ANKRD30A: variants seen among roughly 807,000 people sequenced by gnomAD.
ANKRD30A encodes ankyrin repeat domain 30A, also known as ankyrin repeat domain-containing protein 30A.
ANKRD30A carries 170 observed loss-of-function variants against 166.3 expected under a neutral mutation model. That is an observed-to-expected ratio of 1.02 (90% CI 0.90 to 1.16). The LOEUF is 1.16. Ranked by LOEUF, ANKRD30A falls within the 50% of genes most tolerant of loss-of-function variation. The probability of loss-of-function intolerance (pLI) is 0.00; values close to 1 mark genes in which losing one functional copy is unlikely to be tolerated. For missense variants in ANKRD30A, 1,630 were observed against 1,518.0 expected (o/e 1.07, Z -1.23); for synonymous variants, 564 against 508.9 (o/e 1.11, Z -1.46).
At chr10:37,198,220 T>A (rs1282921297) in intron 29 of ANKRD30A, among the ~76,000 whole-genome samples, 1 of 152,126 alleles carries the variant, frequency 6.6e-6, no homozygotes, top group African/African-American at 2.4e-5. Context: ...GTGTGCGTGG[T>A]CATATTTAAT....
intron 30 of ANKRD30A, 117 bp downstream of exon 30, chr10:37,199,905 A>G (rs1455190800): frequency 7.1e-6 from 4 of 561,780 alleles, no homozygotes; most frequent in Non-Finnish European, 1.3e-5. Context: ...ATTATTTTTG[A>G]TATTTTTCAG....
chr10:37,147,065 T>C (rs77459297), intron 8 of ANKRD30A, among the ~76,000 whole-genome samples: 667 of 50,152 alleles, frequency 0.013, no homozygotes, highest in South Asian at 0.029. Flanking sequence ...GTGAGGAAGA[T>C]AAAGTAAGAT....
chr10:37,211,931 TC>T (rs1842345619), intron 31 of ANKRD30A, among the ~76,000 whole-genome samples: 1 of 152,030 alleles, frequency 6.6e-6, no homozygotes, highest in Non-Finnish European at 1.5e-5. Context: ...ATAAATGTCT[TC>T]TTTTGAGAAG....
intron 34 of ANKRD30A, among the ~76,000 whole-genome samples, chr10:37,227,867 G>A (rs1843233370): frequency 6.6e-6 from 1 of 151,860 alleles, no homozygotes; most frequent in Non-Finnish European, 1.5e-5. Flanking sequence ...ATCCATCCTG[G>A]GAAGAGAAGA....
At chr10:37,163,111 G>T (rs2132600012) in intron 17 of ANKRD30A, among the ~76,000 whole-genome samples, 1 of 150,856 alleles carries the variant, frequency 6.6e-6, no homozygotes, top group Non-Finnish European at 1.5e-5. Context: ...TTGAACTTCT[G>T]TATTTCTTAA....
At chr10:37,223,655 T>C (rs1472915377) in intron 34 of ANKRD30A, among the ~76,000 whole-genome samples, 1 of 151,456 alleles carries the variant, frequency 6.6e-6, no homozygotes, top group Non-Finnish European at 1.5e-5. Context: ...TTTTGGGTTG[T>C]TTTTTAAAAA....
At chr10:37,193,603 A>G (rs891580164) in intron 27 of ANKRD30A, among the ~76,000 whole-genome samples, 3 of 152,016 alleles carry the variant, frequency 2.0e-5, no homozygotes, top group Non-Finnish European at 4.4e-5. Context: ...TGGAATTCTG[A>G]TGTTTACTTA....
chr10:37,233,774 A>G (rs1279651895), downstream of ANKRD30A, among the ~76,000 whole-genome samples: 1 of 152,128 alleles, frequency 6.6e-6, no homozygotes, highest in Non-Finnish European at 1.5e-5. Flanking sequence ...TTTCTACTAG[A>G]AAAACATCTA....
At chr10:37,230,624 G>T (rs1843374677) in intron 34 of ANKRD30A, among the ~76,000 whole-genome samples, 1 of 152,010 alleles carries the variant, frequency 6.6e-6, no homozygotes, top group South Asian at 2.1e-4. Context: ...GACCAAAATG[G>T]TCATGTACAA....
chr10:37,245,197 C>T, the ANKRD30A span, among the ~76,000 whole-genome samples: 3 of 152,048 alleles, frequency 2.0e-5, 1 homozygote, highest in African/African-American at 7.2e-5. Context: ...TATAGTTGAT[C>T]CTATCACAAA....
chr10:37,193,509 C>T (rs1840777659), intron 27 of ANKRD30A, among the ~76,000 whole-genome samples: 1 of 151,898 alleles, frequency 6.6e-6, no homozygotes, highest in South Asian at 2.1e-4. Flanking sequence ...ATAAAGTTTC[C>T]AATTTGCAAT....
chr10:37,232,690 A>ATATATATATATATATATATATC, downstream of ANKRD30A: 1 of 5,140 alleles, frequency 1.9e-4, no homozygotes, highest in Non-Finnish European at 9.5e-4. Flanking sequence ...ATATATATAT[A>ATATATATATATATATATATATC]TATAAATAGA....
intron 25 of ANKRD30A, among the ~76,000 whole-genome samples, 193 bp downstream of exon 25, chr10:37,189,750 A>G (rs1437547061): frequency 6.7e-6 from 1 of 150,118 alleles, no homozygotes; most frequent in Non-Finnish European, 1.5e-5. Flanking sequence ...GCTGAAGAGG[A>G]GCTGAATTAC....
At chr10:37,236,057 C>T (rs745693948), downstream of ANKRD30A, among the ~76,000 whole-genome samples, 3 of 152,066 alleles carry the variant, frequency 2.0e-5, no homozygotes, top group African/African-American at 4.8e-5. Context: ...CGTGAGCCAC[C>T]GCGCCGGGCC....
At chr10:37,212,961 ATC>A (rs887272018) in intron 31 of ANKRD30A, among the ~76,000 whole-genome samples, 3 of 151,850 alleles carry the variant, frequency 2.0e-5, no homozygotes, top group African/African-American at 7.2e-5. Flanking sequence ...ATTTTTAAGT[ATC>A]TGTAGAATCT....
intron 13 of ANKRD30A, among the ~76,000 whole-genome samples, chr10:37,154,457 A>T (rs1263889727): frequency 1.3e-5 from 2 of 152,208 alleles, no homozygotes; most frequent in Non-Finnish European, 1.5e-5. Context: ...GTGGAAGAAC[A>T]ATTGGATAGA....
intron 27 of ANKRD30A, among the ~76,000 whole-genome samples, chr10:37,195,727 T>G (rs1841028368): frequency 6.6e-6 from 1 of 152,190 alleles, no homozygotes; most frequent in Non-Finnish European, 1.5e-5. Context: ...ACCCTGTCTC[T>G]ACTAAAAATA....
At chr10:37,243,562 T>C in the ANKRD30A span, among the ~76,000 whole-genome samples, 5 of 152,130 alleles carry the variant, frequency 3.3e-5, no homozygotes, top group African/African-American at 9.7e-5. Flanking sequence ...GTAACCTGTC[T>C]CCTTTCATGC....
rs757921040 is a variant in ANKRD30A, at chr10:37,219,115, G to A, written c.3403G>A (p.Asp1135Asn). The change falls in exon 34 of 36, where the codon GAC (aspartate) becomes AAC (asparagine). Residue 1135 changes from aspartate to asparagine, a missense_variant. Transcript: ENST00000361713. ...YQEKENKYFEDIKILKEKNAE... is the reference protein window; with the variant it reads ...YQEKENKYFENIKILKEKNAE... ...GGAAAAGGAAAATAAATACTTTGAG[G>A]ACATTAAGATTTTAAAAGAAAAGAA... 1 of 1,609,716 alleles carries A rather than the reference G, an allele frequency of 6.2e-7. No individual in the cohort carries two copies. The highest frequency in any genetic ancestry group is 1.7e-4 in the Middle Eastern group (1 of 6,034).
Sources: allele counts gnomAD v4.1 joint callset (sites outside exome capture counted in the v4.1 genomes callset), GRCh38; gene constraint gnomAD v4.1.1; transcripts MANE v1.5; gene names NCBI Gene and HGNC (gene_info 2026-07-23, HGNC 2026-07-21).